MATN4: variants seen among roughly 807,000 people sequenced by gnomAD.
The protein encoded by MATN4 is matrilin-4.
In MATN4, 40 loss-of-function variants were observed where a neutral mutation model predicts 54.6. The observed-to-expected ratio is 0.73, with a 90% CI of 0.57 to 0.95. MATN4 has a LOEUF of 0.95. Among genes scored for constraint, MATN4 ranks in the 40% least tolerant of loss-of-function variants. The pLI is 0.00. For synonymous variants in MATN4, 351 were observed against 345.3 expected (o/e 1.02, Z -0.18); for missense variants, 810 against 819.1 (o/e 0.99, Z 0.13).
At chr20:45,305,684 T>C in intron 1 of MATN4, 68 bp from the exon 2 acceptor site, 1 of 711,494 alleles carries the variant, frequency 1.4e-6, no homozygotes, top group Non-Finnish European at 2.4e-6. Context: ...TGATAGGCAC[T>C]TGGAGGGGGA....
intron 2 of MATN4, among the ~76,000 whole-genome samples, chr20:45,305,086 C>T (rs1217504771): frequency 6.6e-6 from 1 of 152,146 alleles, no homozygotes; most frequent in Non-Finnish European, 1.5e-5. Context: ...AGGCAGGGAA[C>T]ATGGATGAAC....
In MATN4 at chr20:45,293,703, T is replaced by C; in HGVS notation, c.*64A>G. The C allele has an allele frequency of 1.4e-6, 2 of 1,452,708 alleles. No homozygotes were observed. The highest frequency in any genetic ancestry group is 2.5e-5 in the South Asian group (2 of 78,638). The allele number at this position is 1,452,708 out of a possible 1,614,324, so 90.0% of individuals were successfully genotyped here. ...GTTCTGCCTGGCCCCGGCGCACCGATGGCGCGCAAGGGGCACCGTCCGTGG... is the reference window on the plus strand; with the variant it reads ...GTTCTGCCTGGCCCCGGCGCACCGACGGCGCGCAAGGGGCACCGTCCGTGG... On this transcript the variant is annotated 3_prime_UTR_variant, in exon 10 of 10. Coordinates refer to ENST00000372756, the MANE Select transcript of MATN4 (RefSeq NM_001393530.1).
At chr20:45,303,246 C>T in intron 3 of MATN4, 1 of 566,004 alleles carries the variant, frequency 1.8e-6, no homozygotes, top group Non-Finnish European at 3.3e-6. Context: ...CAGGCAATAC[C>T]TTTCTTTCTT....
At chr20:45,300,839 G>A (rs1986174463) in intron 6 of MATN4, 48 bp downstream of exon 6, 1 of 1,605,476 alleles carries the variant, frequency 6.2e-7, no homozygotes, top group Non-Finnish European at 8.5e-7. Flanking sequence ...CTCCAAATGT[G>A]GGCAATGGGG....
intron 8 of MATN4, among the ~76,000 whole-genome samples, chr20:45,296,235 A>G (rs1241505074): frequency 2.2e-5 from 3 of 139,030 alleles, no homozygotes; most frequent in Non-Finnish European, 4.6e-5. Flanking sequence ...AAAAAAAAAA[A>G]AAAAAAGATT....
Position 45,293,708 on chromosome 20 carries a change from C to T in MATN4, c.*59G>A. The stretch of plus-strand genomic sequence containing the variant: ...GCCTGGCCCCGGCGCACCGATGGCG[C>T]GCAAGGGGCACCGTCCGTGGTGCCG... On this transcript the variant is annotated 3_prime_UTR_variant, in exon 10 of 10. Coordinates refer to ENST00000372756, the MANE Select transcript of MATN4 (RefSeq NM_001393530.1). 2 of 1,480,534 alleles carry T rather than the reference C, an allele frequency of 1.4e-6. No homozygotes were observed. The highest frequency in any genetic ancestry group is 1.8e-6 in the Non-Finnish European group (2 of 1,105,960). 91.7% of individuals were successfully genotyped at this position (1,480,534 alleles called of 1,614,324 possible).
Position 45,305,588 on chromosome 20 carries a change from T to C in MATN4, c.-6A>G, listed in dbSNP as rs567872698. On this transcript the variant is annotated 5_prime_UTR_variant, in exon 2 of 10. Coordinates refer to ENST00000372756, the MANE Select transcript of MATN4 (RefSeq NM_001393530.1). ...CAGCAAAGAAGGCCTCTCATGGCGCTTGGGGACAGAGAATGGAGGTGTCAG... is the reference window on the plus strand; with the variant it reads ...CAGCAAAGAAGGCCTCTCATGGCGCCTGGGGACAGAGAATGGAGGTGTCAG... 8 of 1,556,352 alleles carry C rather than the reference T, an allele frequency of 5.1e-6. No individual in the cohort carries two copies. In the East Asian group the frequency reaches 1.9e-4, roughly 38 times the overall value.
intron 6 of MATN4, among the ~76,000 whole-genome samples, chr20:45,300,141 C>CT (rs1986134536): frequency 6.6e-6 from 1 of 152,164 alleles, no homozygotes. Flanking sequence ...GTCTACAGTA[C>CT]TTTGATATAG....
At chr20:45,304,186 G>T (rs1986415195) in intron 3 of MATN4, 42 bp downstream of exon 3, 1 of 1,423,798 alleles carries the variant, frequency 7.0e-7, no homozygotes, top group African/African-American at 1.5e-5. Context: ...CAAGCATTTG[G>T]ATTGAGAGTT....
chr20:45,297,772 C>A, intron 8 of MATN4, 146 bp downstream of exon 8: 1 of 998,882 alleles, frequency 1.0e-6, no homozygotes, highest in South Asian at 1.5e-5. Flanking sequence ...CGCTGGCCTG[C>A]AGACCACATT....
At chr20:45,306,644 G>A (rs986634949) in intron 1 of MATN4, among the ~76,000 whole-genome samples, 2 of 152,256 alleles carry the variant, frequency 1.3e-5, no homozygotes, top group Non-Finnish European at 2.9e-5. Flanking sequence ...CACTGCGCAC[G>A]AGAACGCGCG....
rs117707823 is a variant in MATN4, at chr20:45,298,994, G to A, written c.1013-411C>T. On this transcript the variant is annotated intron_variant, in intron 6 of 9. Transcript: ENST00000372756. The surrounding 1 kb of genome is among the most constrained non-coding windows in gnomAD (Gnocchi z 4.6). ...TACCATGTGGTAGGTACTGGGTGAAGTGCTTATATATATTCTCAATCCTCC... is the reference window on the plus strand; with the variant it reads ...TACCATGTGGTAGGTACTGGGTGAAATGCTTATATATATTCTCAATCCTCC... Among the ~76,000 whole-genome samples the A allele has an allele frequency of 3.5e-4, 54 of 152,304 alleles. No homozygotes were observed. The East Asian group carries it at 0.01, about 29-fold the overall frequency.
chr20:45,295,761 A>G (rs1985775413), intron 8 of MATN4, among the ~76,000 whole-genome samples: 2 of 152,228 alleles, frequency 1.3e-5, no homozygotes, highest in Admixed American at 1.3e-4. Flanking sequence ...ATCCTGATCC[A>G]ACTCTATCTC....
At chr20:45,303,876 A>G (rs1017140896) in intron 3 of MATN4, among the ~76,000 whole-genome samples, 136 of 152,208 alleles carry the variant, frequency 8.9e-4, no homozygotes, top group African/African-American at 3.2e-3. Flanking sequence ...CTAAGATGAT[A>G]ATGGGAGAAG....
Position 45,298,182 on chromosome 20 carries a change from C to T in MATN4, c.1414G>A (p.Ala472Thr). The change falls in exon 7 of 10, where the codon GCC becomes ACC. Residue 472 changes from alanine to threonine, a missense_variant. By Grantham distance (58) the Ala-to-Thr change is moderately conservative. Coordinates refer to ENST00000372756, the MANE Select transcript of MATN4 (RefSeq NM_001393530.1). This position sits in a 1 kb window ranked among gnomAD's most constrained non-coding sequence, Gnocchi z 4.6. ...QDDISVWAAR[A>T]KEEGIVMYAV... is the part of the protein sequence containing the mutation. The stretch of plus-strand genomic sequence containing the variant: ...ATGCCAAGCCCACCTTCCTCCTTGG[C>T]GCGCGCTGCCCACACCGAGATGTCA... 5.6e-6 allele frequency: 9 copies of T among 1,596,834 alleles called. No individual in the cohort carries two copies. Among genetic ancestry groups the T allele is most frequent in the Non-Finnish European group, 7.7e-6 (9 of 1,168,006 alleles).
At chr20:45,308,109 C>T (rs771229949) in intron 1 of MATN4, 66 bp downstream of exon 1, 11 of 1,502,740 alleles carry the variant, frequency 7.3e-6, no homozygotes, top group African/African-American at 5.5e-5. Context: ...AAAATACACT[C>T]GCCTGACCTG....
In MATN4 at chr20:45,308,296, A is replaced by G; in HGVS notation, c.-156T>C. On this transcript the variant is annotated 5_prime_UTR_variant, in exon 1 of 10. Transcript: ENST00000372756. ...GTGCCCTAGGTGGGGACTGCCAGGCAGCTGGAGCACACAGAGGCAACGGCC... is the reference window on the plus strand; with the variant it reads ...GTGCCCTAGGTGGGGACTGCCAGGCGGCTGGAGCACACAGAGGCAACGGCC... 2 of 1,318,868 alleles carry G rather than the reference A, an allele frequency of 1.5e-6. No individual in the cohort carries two copies. Among genetic ancestry groups the G allele is most frequent in the Non-Finnish European group, 2.2e-6 (2 of 912,676 alleles). 81.7% of individuals were successfully genotyped at this position (1,318,868 alleles called of 1,614,324 possible).
intron 6 of MATN4, among the ~76,000 whole-genome samples, chr20:45,299,548 T>G (rs1321625664): frequency 6.6e-6 from 1 of 152,102 alleles, no homozygotes; most frequent in Admixed American, 6.5e-5. Flanking sequence ...TAGGATTAGA[T>G]GAGGACATGA....
Position 45,305,622 on chromosome 20 carries a change from G to A in MATN4, c.-34-6C>T. The stretch of plus-strand genomic sequence containing the variant: ...GAGAATGGAGGTGTCAGAGCCTGGA[G>A]GGAGGAAGGAAAATAGAAAAGCAAC... On this transcript the variant is annotated splice_region_variant and splice_polypyrimidine_tract_variant and intron_variant, in intron 1 of 9. Transcript: ENST00000372756. The A allele has an allele frequency of 3.5e-6, 5 of 1,432,916 alleles. No homozygotes were observed. The highest frequency in any genetic ancestry group is 4.8e-6 in the Non-Finnish European group (5 of 1,039,250). The allele number at this position is 1,432,916 out of a possible 1,614,324, so 88.8% of individuals were successfully genotyped here. A position where few individuals can be genotyped will look rare whatever the true frequency, so the allele number is the denominator to read the frequency against.
Sources: allele counts gnomAD v4.1 joint callset (sites outside exome capture counted in the v4.1 genomes callset), GRCh38; gene constraint gnomAD v4.1.1; non-coding constraint Gnocchi (gnomAD v3.1); transcripts MANE v1.5; gene names NCBI Gene and HGNC (gene_info 2026-07-23, HGNC 2026-07-21).